HAGH: variants seen among roughly 807,000 people sequenced by gnomAD.
HAGH encodes the protein hydroxyacylglutathione hydrolase.
In HAGH, 29 loss-of-function variants were observed where a neutral mutation model predicts 35.1. The ratio of observed to expected loss-of-function variants is 0.83; its 90% confidence interval spans 0.62 to 1.13. The LOEUF is 1.13. Among genes scored for constraint, HAGH ranks in the 50% most tolerant of loss-of-function variants. The pLI is 0.00. For missense variants in HAGH, 478 were observed against 419.6 expected, an observed-to-expected ratio of 1.14 and a Z score of -1.22; for synonymous variants, 225 against 176.1, an observed-to-expected ratio of 1.28 and a Z score of -2.20.
chr16:1,817,552 C>T (rs1897962249), intron 5 of HAGH, among the ~76,000 whole-genome samples: 2 of 152,168 alleles, frequency 1.3e-5, no homozygotes, highest in Admixed American at 6.5e-5. Context: ...GGCTCTGAGA[C>T]CCTCACAAAT....
rs1005199753 is a variant in HAGH at position 1,808,115 on chromosome 16, A to G, written c.*1168T>C. On this transcript the variant is annotated 3_prime_UTR_variant, in exon 9 of 9. Coordinates refer to ENST00000397356, the MANE Select transcript of HAGH (RefSeq NM_005326.6). ...CTAAATACCACTCAACTGCATGATT[A>G]ATTAATTTCTTTGAGACAGGGTCTC... The G allele has an allele frequency of 1.3e-5, 2 of 152,044 alleles. No individual in the cohort carries two copies. The highest frequency in any genetic ancestry group is 2.9e-5 in the Non-Finnish European group (2 of 68,020). 9.4% of individuals were successfully genotyped at this position (152,044 alleles called of 1,614,324 possible). A position where few individuals can be genotyped will look rare whatever the true frequency, so the allele number is the denominator to read the frequency against.
chr16:1,823,896 A>T (rs9925264), intron 1 of HAGH, among the ~76,000 whole-genome samples: 7,303 of 152,168 alleles, frequency 0.048, 467 homozygotes, highest in East Asian at 0.15. Context: ...AAGGACAGGA[A>T]GGCCAGCTTG....
chr16:1,827,174 G>A (rs28364709), upstream of HAGH: 262,532 of 1,543,826 alleles, frequency 0.17, 23,675 homozygotes, highest in South Asian at 0.28. Flanking sequence ...GGTCCTCTCC[G>A]GGATGCCGTA....
At chr16:1,814,837 G>A (rs1477362152) in intron 7 of HAGH, among the ~76,000 whole-genome samples, 1 of 152,004 alleles carries the variant, frequency 6.6e-6, no homozygotes, top group African/African-American at 2.4e-5. Context: ...GGCAGAGCTT[G>A]CAGTGAGATG....
intron 1 of HAGH, among the ~76,000 whole-genome samples, chr16:1,825,056 C>T (rs1742412): frequency 0.72 from 109,446 of 152,124 alleles, 39,719 homozygotes; most frequent in Middle Eastern, 0.8. Context: ...CGGTGGCTCA[C>T]GCCTGTCATC....
At chr16:1,811,635 C>A (rs1482994519) in intron 7 of HAGH, among the ~76,000 whole-genome samples, 1 of 152,074 alleles carries the variant, frequency 6.6e-6, no homozygotes, top group African/African-American at 2.4e-5. Context: ...ATCGCTTGAA[C>A]CCGGGAGGCG....
intron 2 of HAGH, 113 bp from the exon 3 acceptor site, chr16:1,822,477 C>T (rs1898198194): frequency 1.3e-5 from 11 of 827,818 alleles, no homozygotes; most frequent in Non-Finnish European, 1.7e-5. Flanking sequence ...GGGCCGCTGA[C>T]ATGGCCCGTC....
In HAGH at chr16:1,816,989, G is replaced by T. The variant is rs747404180; in HGVS notation, c.651C>A (p.Val217=). 6.2e-7 allele frequency: 1 copy of T among 1,606,160 alleles called. No individual in the cohort carries two copies. The highest frequency in any genetic ancestry group is 1.1e-5 in the South Asian group (1 of 90,928). Residue 217 remains valine (V), a synonymous_variant, in exon 7 of 9, where the codon GTC becomes GTA. Coordinates refer to ENST00000397356, the MANE Select transcript of HAGH (RefSeq NM_005326.6). ...VLGRLPPDTR[V]YCGHEYTINN... is the part of the protein sequence containing the mutation. ...TGATGGTGTACTCGTGGCCACAGTA[G>T]ACTCTCTGAGGAGAGAGGTGACAGG...
Position 1,822,327 on chromosome 16 carries a change from G to C in HAGH, c.287C>G (p.Thr96Ser), listed in dbSNP as rs202126368. Reference sequence around the variant, plus strand: ...GTGGTGGTGGGTGGTGAGCACTGTGGTCAGTTTCACCCCGTGCTTTCTCGC... The same window carrying C: ...GTGGTGGTGGGTGGTGAGCACTGTGCTCAGTTTCACCCCGTGCTTTCTCGC... ...DAARKHGVKL[T>S]TVLTTHHHWD... is the part of the protein sequence containing the mutation. Residue 96 changes from threonine to serine, a missense_variant, in exon 3 of 9, where the codon ACC becomes AGC. Thr to Ser is a moderately conservative substitution (Grantham distance 58). Coordinates refer to ENST00000397356, the MANE Select transcript of HAGH (RefSeq NM_005326.6). The C allele has an allele frequency of 7.4e-6, 12 of 1,611,938 alleles. No homozygotes were observed. In the East Asian group the frequency reaches 2.7e-4, roughly 36 times the overall value.
In HAGH at chr16:1,809,386, CGGAG is replaced by C; in HGVS notation, c.828-8_828-5del. On this transcript the variant is annotated splice_polypyrimidine_tract_variant and splice_region_variant and intron_variant, in intron 8 of 8. Transcript: ENST00000397356. ...GTGCTGCTGCACCGTCTTCTCCCTG[CGGAG>C]GCCAGCACCGGGCTGCAGGCTGTGC... is the stretch of plus-strand genomic sequence containing the variant. The C allele has an allele frequency of 6.2e-7, 1 of 1,606,804 alleles. No individual in the cohort carries two copies. Among genetic ancestry groups the C allele is most frequent in the Non-Finnish European group, 8.5e-7 (1 of 1,178,300 alleles).
chr16:1,819,071 T>A lies in HAGH; in HGVS notation c.541+44A>T, dbSNP rs771516100. On this transcript the variant is annotated intron_variant, in intron 5 of 8. Coordinates refer to ENST00000397356, the MANE Select transcript of HAGH (RefSeq NM_005326.6). Reference sequence around the variant, plus strand: ...AGCCTGCCTGGCAGGAGACACAGGGTCTTCACGAAGAACCCCCGCCCCCAC... The same window carrying A: ...AGCCTGCCTGGCAGGAGACACAGGGACTTCACGAAGAACCCCCGCCCCCAC... The A allele has an allele frequency of 3.3e-6, 4 of 1,195,036 alleles. No homozygotes were observed. In the South Asian group the frequency reaches 5.0e-5, roughly 15 times the overall value. The allele number at this position is 1,195,036 out of a possible 1,614,324, so 74.0% of individuals were successfully genotyped here. A position where few individuals can be genotyped will look rare whatever the true frequency, so the allele number is the denominator to read the frequency against.
Position 1,822,216 on chromosome 16 carries a change from G to C in HAGH, c.314+84C>G, listed in dbSNP as rs1049618373. The C allele has an allele frequency of 1.7e-5, 14 of 831,478 alleles. No homozygotes were observed. The Admixed American group carries it at 2.8e-4, about 16-fold the overall frequency. The allele number at this position is 831,478 out of a possible 1,614,324, so 51.5% of individuals were successfully genotyped here. On this transcript the variant is annotated intron_variant, in intron 3 of 8. Coordinates refer to ENST00000397356, the MANE Select transcript of HAGH (RefSeq NM_005326.6). ...CTCACAAAGCAGACAGAGCCGTGGG[G>C]GGAGACAGGCCTTGATGTCCCTAAA...
At position 1,826,475 on chromosome 16, in the gene HAGH, G is replaced by A. The variant is rs971676281; in HGVS notation, c.76+237C>T. ...CGGCCGGCCCAGCCCGAGCGTGGAG[G>A]CCGCGGCGGACGCAGGCCTGGCCCT... On this transcript the variant is annotated intron_variant, in intron 1 of 8. Coordinates refer to ENST00000397356, the MANE Select transcript of HAGH (RefSeq NM_005326.6). 2.1e-4 allele frequency: 176 copies of A among 827,722 alleles called. 1 individual carries two copies. In the African/African-American group the frequency reaches 3.2e-3, roughly 15 times the overall value. 51.3% of individuals were successfully genotyped at this position (827,722 alleles called of 1,614,324 possible). A position where few individuals can be genotyped will look rare whatever the true frequency, so the allele number is the denominator to read the frequency against.
At chr16:1,820,493 G>T (rs894847268) in intron 3 of HAGH, among the ~76,000 whole-genome samples, 3 of 152,138 alleles carry the variant, frequency 2.0e-5, no homozygotes, top group Admixed American at 2.0e-4. Context: ...AAACTGTTCA[G>T]CATGGGAATC....
intron 1 of HAGH, among the ~76,000 whole-genome samples, chr16:1,826,253 G>A (rs893408431): frequency 2.0e-5 from 3 of 151,604 alleles, no homozygotes; most frequent in African/African-American, 7.2e-5. Flanking sequence ...CGGGTCCCCA[G>A]ACGGGGGCTC....
intron 4 of HAGH, 124 bp from the exon 5 acceptor site, chr16:1,819,347 G>A: frequency 1.6e-6 from 1 of 629,936 alleles, no homozygotes. Context: ...CCGTGAAGGT[G>A]GGGCAGGTGC....
At position 1,822,937 on chromosome 16, in the gene HAGH, G is replaced by A. The variant is rs757658834; in HGVS notation, c.177C>T (p.Asp59=). ...CATCAATGACCAGGTACATGTAGTT[G>A]TCGGTCAGGGCAGGCAGCACCTCTA... ...MKVEVLPALT[D]NYMYLVIDDE... is the part of the protein sequence containing the mutation. The change falls in exon 2 of 9, where the codon GAC becomes GAT. Residue 59 remains aspartate, a synonymous_variant. Transcript: ENST00000397356. 2 of 1,613,696 alleles carry A rather than the reference G, an allele frequency of 1.2e-6. No homozygotes were observed. Among genetic ancestry groups the A allele is most frequent in the South Asian group, 2.2e-5 (2 of 91,078 alleles).
At position 1,809,165 on chromosome 16, in the gene HAGH, A is replaced by G. The variant is rs764617665; in HGVS notation, c.*118T>C. ...TATGCATTAGAATGTCCGATAACACAAGCCAAGGGCTGTAAAATTAAGGTT... is the reference window on the plus strand; with the variant it reads ...TATGCATTAGAATGTCCGATAACACGAGCCAAGGGCTGTAAAATTAAGGTT... On this transcript the variant is annotated 3_prime_UTR_variant, in exon 9 of 9. Transcript: ENST00000397356. 56 of 691,776 alleles carry G rather than the reference A, an allele frequency of 8.1e-5. No homozygotes were observed. Among genetic ancestry groups the G allele is most frequent in the Non-Finnish European group, 1.4e-4 (53 of 391,164 alleles). The allele number at this position is 691,776 out of a possible 1,614,324, so 42.9% of individuals were successfully genotyped here.
intron 7 of HAGH, among the ~76,000 whole-genome samples, chr16:1,816,547 C>T (rs1897902242): frequency 6.6e-6 from 1 of 152,014 alleles, no homozygotes; most frequent in Non-Finnish European, 1.5e-5. Flanking sequence ...CACGTGGGGC[C>T]ACCGTGGAGA....
Sources: allele counts gnomAD v4.1 joint callset (sites outside exome capture counted in the v4.1 genomes callset), GRCh38; gene constraint gnomAD v4.1.1; transcripts MANE v1.5; gene names NCBI Gene and HGNC (gene_info 2026-07-23, HGNC 2026-07-21).